DAB1: variants seen among roughly 807,000 people sequenced by gnomAD.
The protein encoded by DAB1 is DAB adaptor protein 1, also known as disabled homolog 1.
DAB1 carries 15 observed loss-of-function variants against 64.6 expected under a neutral mutation model. That is an observed-to-expected ratio of 0.23 (90% CI 0.16 to 0.36). DAB1 has a LOEUF of 0.36. Among genes scored for constraint, DAB1 ranks in the 10% least tolerant of loss-of-function variants. The probability of loss-of-function intolerance (pLI) is 1.00; values close to 1 mark genes in which losing one functional copy is unlikely to be tolerated. For synonymous variants in DAB1, 235 were observed against 251.9 expected (o/e 0.93, Z 0.64); for missense variants, 596 against 706.7 (o/e 0.84, Z 1.78).
chr1:58,460,272 C>T (rs1645230545), intron 3 of DAB1, among the ~76,000 whole-genome samples: 1 of 152,146 alleles, frequency 6.6e-6, no homozygotes, highest in Non-Finnish European at 1.5e-5. Context: ...AGGAAAATGG[C>T]ACCAGTAGGA....
intron 1 of DAB1, among the ~76,000 whole-genome samples, chr1:57,843,614 T>G (rs1653148973): frequency 6.6e-6 from 1 of 152,172 alleles, no homozygotes; most frequent in Non-Finnish European, 1.5e-5. Context: ...GATTCACCAA[T>G]TTAGAAGTTA....
chr1:57,987,199 C>T (rs769984795), intron 5 of DAB1, among the ~76,000 whole-genome samples: 22 of 152,276 alleles, frequency 1.4e-4, no homozygotes, highest in African/African-American at 3.6e-4. Context: ...ATTTATAGGA[C>T]GCTCTTCAGA....
Position 57,214,926 on chromosome 1 carries a change from A to AAAAAG in DAB1, c.68-69502_68-69498dup, listed in dbSNP as rs1553156899. Among the ~76,000 whole-genome samples, 30 of 150,666 alleles carry AAAAAG rather than the reference A, an allele frequency of 2.0e-4. 1 individual carries two copies. Among genetic ancestry groups the AAAAAG allele is most frequent in the Non-Finnish European group, 3.1e-4 (21 of 67,608 alleles). ...ATTCCCTCTCAAAAAAAAAAAAAAAAAAAAGAAAGAAAAAAGGCAAGAAAA... is the reference window on the plus strand; with the variant it reads ...ATTCCCTCTCAAAAAAAAAAAAAAAAAAAAGAAAAGAAAGAAAAAAGGCAAGAAAA... On this transcript the variant is annotated intron_variant, in intron 2 of 14. Coordinates refer to ENST00000371236, the MANE Select transcript of DAB1 (RefSeq NM_001365792.1).
chr1:57,514,629 C>A (rs1481690480), intron 7 of DAB1, among the ~76,000 whole-genome samples: 3 of 152,160 alleles, frequency 2.0e-5, no homozygotes, highest in African/African-American at 4.8e-5. Flanking sequence ...ATATTTTGGA[C>A]AGAAGCAGAC....
intron 9 of DAB1, among the ~76,000 whole-genome samples, chr1:57,042,249 G>A (rs914285428): frequency 1.3e-5 from 2 of 152,142 alleles, no homozygotes; most frequent in Non-Finnish European, 2.9e-5. Flanking sequence ...CGTTATCCTC[G>A]ACTGTTTTTG....
At chr1:58,018,792 A>G (rs12027621) in intron 5 of DAB1, among the ~76,000 whole-genome samples, 15,261 of 152,108 alleles carry the variant, frequency 0.1, 911 homozygotes, top group East Asian at 0.2. Context: ...TCCCTGAAAA[A>G]CTCAAAGAAG....
intron 5 of DAB1, among the ~76,000 whole-genome samples, chr1:58,011,572 C>T (rs1168749669): frequency 6.6e-6 from 1 of 152,080 alleles, no homozygotes; most frequent in Non-Finnish European, 1.5e-5. Flanking sequence ...CATTTTCTTT[C>T]CTGATCTCTT....
At chr1:58,174,502 A>G (rs984791339) in intron 4 of DAB1, among the ~76,000 whole-genome samples, 1 of 152,138 alleles carries the variant, frequency 6.6e-6, no homozygotes, top group African/African-American at 2.4e-5. Flanking sequence ...AGGACAGTAC[A>G]ACTGCAGGGC....
intron 6 of DAB1, among the ~76,000 whole-genome samples, chr1:57,770,308 T>C (rs1347047193): frequency 2.6e-5 from 4 of 152,170 alleles, no homozygotes; most frequent in African/African-American, 9.7e-5. Context: ...CTCACTCTCA[T>C]CCAGGCTGGA....
rs59529745 is a variant in DAB1 at position 58,253,767 on chromosome 1, C to T, written n.309+89585G>A. Among the ~76,000 whole-genome samples, 1,455 of 152,228 alleles carry T rather than the reference C, an allele frequency of 9.6e-3. 24 individuals are homozygous for T. The highest frequency in any genetic ancestry group is 0.033 in the African/African-American group (1,370 of 41,512). On this transcript the variant is annotated intron_variant and non_coding_transcript_variant, in intron 4 of 20. Transcript: ENST00000485760. ...GATTCAATCCTGAGCCTTCTGGCTC[C>T]AAATCTAGGGATCCTTCTACGCTCT...
At chr1:57,716,200 G>A (rs1014643499) in intron 6 of DAB1, among the ~76,000 whole-genome samples, 24 of 152,076 alleles carry the variant, frequency 1.6e-4, no homozygotes, top group South Asian at 4.2e-4. Context: ...AAGCCACCGC[G>A]CCCAGCCCAT....
At chr1:57,122,665 A>C (rs967464930) in intron 4 of DAB1, among the ~76,000 whole-genome samples, 1 of 152,184 alleles carries the variant, frequency 6.6e-6, no homozygotes, top group African/African-American at 2.4e-5. Flanking sequence ...GAAAAATCTC[A>C]TTATTTCAGA....
At chr1:57,112,389 C>A (rs2100727268) in intron 4 of DAB1, among the ~76,000 whole-genome samples, 1 of 152,272 alleles carries the variant, frequency 6.6e-6, no homozygotes, top group Non-Finnish European at 1.5e-5. Context: ...TCTGTTCCAG[C>A]CCAGCAGGTG....
At chr1:57,322,517 T>C (rs1170064630) in intron 1 of DAB1, among the ~76,000 whole-genome samples, 4 of 152,148 alleles carry the variant, frequency 2.6e-5, no homozygotes, top group African/African-American at 9.7e-5. Context: ...ACCAAAAACC[T>C]TCTGAACCAC....
At chr1:58,504,486 AC>A (rs1645956188) in intron 3 of DAB1, among the ~76,000 whole-genome samples, 1 of 151,400 alleles carries the variant, frequency 6.6e-6, no homozygotes, top group South Asian at 2.1e-4. Flanking sequence ...TCTGCTGCCC[AC>A]CCCTCTCTAA....
At chr1:57,435,046 C>CTTT (rs71580850) in intron 7 of DAB1, among the ~76,000 whole-genome samples, 59 of 93,084 alleles carry the variant, frequency 6.3e-4, no homozygotes, top group Non-Finnish European at 8.8e-4. Context: ...TTCTTTTTTT[C>CTTT]TTTTTTTTTT....
intron 5 of DAB1, among the ~76,000 whole-genome samples, chr1:57,925,816 G>T (rs1338455670): frequency 1.3e-5 from 2 of 152,116 alleles, no homozygotes; most frequent in Non-Finnish European, 2.9e-5. Context: ...GATGGAGGAG[G>T]CAGTCATTCC....
chr1:57,961,296 A>G (rs1254648710), intron 5 of DAB1, among the ~76,000 whole-genome samples: 1 of 152,228 alleles, frequency 6.6e-6, no homozygotes. Flanking sequence ...GTGTACATTT[A>G]CAATATAGAT....
At chr1:57,243,879 C>T (rs1048710363) in intron 2 of DAB1, among the ~76,000 whole-genome samples, 1 of 152,162 alleles carries the variant, frequency 6.6e-6, no homozygotes, top group Non-Finnish European at 1.5e-5. Flanking sequence ...CAAGGGTGTA[C>T]CTTTTGTAAA....
Sources: allele counts gnomAD v4.1 joint callset (sites outside exome capture counted in the v4.1 genomes callset), GRCh38; gene constraint gnomAD v4.1.1; transcripts MANE v1.5; gene names NCBI Gene and HGNC (gene_info 2026-07-23, HGNC 2026-07-21).